The following PDE1C variants were observed in gnomAD, a reference collection of about 807,000 sequenced individuals.
PDE1C encodes dual specificity calcium/calmodulin-dependent 3',5'-cyclic nucleotide phosphodiesterase 1C.
A neutral mutation model predicts 93.1 loss-of-function variants in PDE1C; 62 were observed. The observed-to-expected ratio is 0.67, with a 90% CI of 0.54 to 0.82. The LOEUF (loss-of-function observed/expected upper bound fraction) is 0.82, where lower values mean the gene tolerates loss of function less well. Among genes scored for constraint, PDE1C ranks in the 40% least tolerant of loss-of-function variants. The probability of loss-of-function intolerance (pLI) is 0.00; values close to 1 mark genes in which losing one functional copy is unlikely to be tolerated. For synonymous variants in PDE1C, 325 were observed against 310.1 expected (o/e 1.05, Z -0.50); for missense variants, 742 against 884.6 (o/e 0.84, Z 2.04).
chr7:31,997,169 A>G (rs1220301805), intron 2 of PDE1C, among the ~76,000 whole-genome samples: 1 of 152,230 alleles, frequency 6.6e-6, no homozygotes, highest in Non-Finnish European at 1.5e-5. Context: ...TGGGCTTTTT[A>G]GTAGACAGGA....
At chr7:31,994,330 T>C (rs1192331991) in intron 2 of PDE1C, among the ~76,000 whole-genome samples, 1 of 152,178 alleles carries the variant, frequency 6.6e-6, no homozygotes, top group East Asian at 1.9e-4. Context: ...ATACTAAAAA[T>C]TGAGGCATTT....
intron 3 of PDE1C, among the ~76,000 whole-genome samples, chr7:32,142,245 G>A (rs549949678): frequency 1.3e-5 from 2 of 152,132 alleles, no homozygotes; most frequent in Admixed American, 1.3e-4. Flanking sequence ...GGGGAGAAGG[G>A]GGATAGAGGA....
chr7:31,657,700 T>G, the PDE1C span, among the ~76,000 whole-genome samples: 1 of 152,272 alleles, frequency 6.6e-6, no homozygotes, highest in East Asian at 1.9e-4. Flanking sequence ...TTTTATGCAT[T>G]GACCATATTC....
the PDE1C span, chr7:31,707,483 T>C: frequency 3.7e-6 from 2 of 540,954 alleles, no homozygotes; most frequent in Non-Finnish European, 6.5e-6. Context: ...TGGTTTCTAT[T>C]CTGTGTTTTG....
At chr7:32,276,116 CA>C (rs2128889724) in intron 1 of PDE1C, among the ~76,000 whole-genome samples, 1 of 152,212 alleles carries the variant, frequency 6.6e-6, no homozygotes, top group African/African-American at 2.4e-5. Context: ...ATAATATCAA[CA>C]ATAACTATTT....
intron 3 of PDE1C, among the ~76,000 whole-genome samples, chr7:32,130,114 G>A (rs1349610592): frequency 6.6e-6 from 1 of 151,818 alleles, no homozygotes. Flanking sequence ...CTTTTTGGTT[G>A]TTGTTTGTTT....
At chr7:32,367,335 C>T (rs183418573) in intron 1 of PDE1C, among the ~76,000 whole-genome samples, 62 of 152,162 alleles carry the variant, frequency 4.1e-4, no homozygotes, top group Non-Finnish European at 7.2e-4. Context: ...TAAACAATAA[C>T]AGAAGAAGTA....
intron 1 of PDE1C, among the ~76,000 whole-genome samples, chr7:32,271,976 C>T (rs1810999751): frequency 6.6e-6 from 1 of 152,216 alleles, no homozygotes. Flanking sequence ...TTAGTTACAA[C>T]AAATGCCAAT....
chr7:31,990,343 C>T (rs758741905), intron 2 of PDE1C, among the ~76,000 whole-genome samples: 32 of 152,178 alleles, frequency 2.1e-4, no homozygotes, highest in Non-Finnish European at 4.0e-4. Flanking sequence ...TTTCCTGCTG[C>T]CATGTAAGAC....
chr7:32,401,334 C>G (rs1045468061), intron 1 of PDE1C, among the ~76,000 whole-genome samples: 1 of 152,140 alleles, frequency 6.6e-6, no homozygotes, highest in Non-Finnish European at 1.5e-5. Context: ...GTCAGGAGAT[C>G]GAGACCATCC....
intron 1 of PDE1C, among the ~76,000 whole-genome samples, chr7:32,306,101 C>G (rs1812994247): frequency 6.6e-6 from 1 of 152,184 alleles, no homozygotes; most frequent in African/African-American, 2.4e-5. Flanking sequence ...CCTTCATTCT[C>G]TCTTGTCTGC....
At chr7:32,263,355 G>A (rs1051582534) in intron 1 of PDE1C, among the ~76,000 whole-genome samples, 3 of 152,030 alleles carry the variant, frequency 2.0e-5, no homozygotes, top group African/African-American at 2.4e-5. Context: ...GTGCGGGTGT[G>A]TGTGTGTGTC....
At chr7:31,826,467 C>G (rs1789679255) in intron 12 of PDE1C, among the ~76,000 whole-genome samples, 1 of 152,136 alleles carries the variant, frequency 6.6e-6, no homozygotes, top group South Asian at 2.1e-4. Flanking sequence ...TAAGCTGAAA[C>G]TAAAGTATTT....
intron 2 of PDE1C, among the ~76,000 whole-genome samples, chr7:31,924,469 GA>G (rs1435412580): frequency 1.3e-5 from 2 of 152,222 alleles, no homozygotes; most frequent in Non-Finnish European, 2.9e-5. Flanking sequence ...TTCAGGGACA[GA>G]AGGCACTTGC....
At chr7:32,157,693 T>C (rs1277259814) in intron 3 of PDE1C, among the ~76,000 whole-genome samples, 2 of 152,166 alleles carry the variant, frequency 1.3e-5, no homozygotes, top group African/African-American at 2.4e-5. Flanking sequence ...TCTTAAGAGA[T>C]ACAAGCTAAA....
chr7:31,644,117 A>G, the PDE1C span, among the ~76,000 whole-genome samples: 1 of 152,248 alleles, frequency 6.6e-6, no homozygotes, highest in African/African-American at 2.4e-5. Context: ...ATGATATAGT[A>G]TCACACATTT....
At chr7:31,820,845 A>G (rs1342959866) in intron 14 of PDE1C, 1 of 152,134 alleles carries the variant, frequency 6.6e-6, no homozygotes, top group Non-Finnish European at 1.5e-5. Context: ...CAATTTGCAT[A>G]CATAACAGCT....
At chr7:32,355,802 G>A (rs1285978855) in intron 1 of PDE1C, among the ~76,000 whole-genome samples, 2 of 152,128 alleles carry the variant, frequency 1.3e-5, no homozygotes, top group Non-Finnish European at 2.9e-5. Flanking sequence ...AACAAATGGC[G>A]ACTGAATGAA....
At chr7:31,712,983 C>G in the PDE1C span, among the ~76,000 whole-genome samples, 1 of 152,156 alleles carries the variant, frequency 6.6e-6, no homozygotes, top group Admixed American at 6.5e-5. Context: ...ACAGCCAAAC[C>G]ATATCATTCT....
Sources: allele counts gnomAD v4.1 joint callset (sites outside exome capture counted in the v4.1 genomes callset), GRCh38; gene constraint gnomAD v4.1.1; transcripts MANE v1.5; gene names NCBI Gene and HGNC (gene_info 2026-07-23, HGNC 2026-07-21).